Variants in UBE3A observed in about 807,000 individuals in gnomAD.
UBE3A encodes ubiquitin protein ligase E3A.
UBE3A carries 6 observed loss-of-function variants against 83.4 expected under a neutral mutation model. The observed-to-expected ratio is 0.07, with a 90% CI of 0.04 to 0.14. UBE3A has a LOEUF of 0.14. Ranked by LOEUF, UBE3A falls within the 10% of genes least tolerant of loss-of-function variation. The pLI, the probability that UBE3A is intolerant of heterozygous loss-of-function variation, is 1.00. For missense variants in UBE3A, 456 were observed against 1,036.1 expected (o/e 0.44, Z 7.69); for synonymous variants, 337 against 355.4 (o/e 0.95, Z 0.58).
At chr15:25,422,052 T>C (rs1017346348) in intron 1 of UBE3A, 19 of 152,172 alleles carry the variant, frequency 1.2e-4, no homozygotes, top group African/African-American at 4.6e-4. Context: ...ACAATTTAAA[T>C]GTTCACCAGA....
At chr15:25,344,007 G>C (rs1442422378) in intron 11 of UBE3A, among the ~76,000 whole-genome samples, 1 of 152,140 alleles carries the variant, frequency 6.6e-6, no homozygotes, top group Admixed American at 6.5e-5. Flanking sequence ...TAAACTGCTG[G>C]TGGGAATGCA....
intron 1 of UBE3A, among the ~76,000 whole-genome samples, chr15:25,413,238 T>C (rs991097379): frequency 6.6e-6 from 1 of 152,202 alleles, no homozygotes; most frequent in African/African-American, 2.4e-5. Context: ...AATAATCTTA[T>C]AAATAAGTAT....
chr15:25,435,015 CACACAA>C (rs1296801492), intron 1 of UBE3A, among the ~76,000 whole-genome samples: 2 of 100,594 alleles, frequency 2.0e-5, no homozygotes, highest in South Asian at 3.5e-4. Context: ...CACACACACA[CACACAA>C]ATACTAATAC....
At position 25,372,130 on chromosome 15, in the gene UBE3A, T is replaced by C. The variant is rs149325880; in HGVS notation, c.362-318A>G. Among the ~76,000 whole-genome samples the C allele has an allele frequency of 1.2e-4, 19 of 152,318 alleles. No homozygotes were observed. The East Asian group carries it at 2.7e-3, about 22-fold the overall frequency. ...ATCTATTAATGTATAGCTTTAATTA[T>C]AAATATGAACCAATATGTCATGTAC... On this transcript the variant is annotated intron_variant, in intron 5 of 12. Transcript: ENST00000648336.
At chr15:25,408,810 T>A in intron 3 of UBE3A, 1 of 867,722 alleles carries the variant, frequency 1.2e-6, no homozygotes, top group Non-Finnish European at 1.7e-6. Flanking sequence ...TAATGTTTTC[T>A]ATAATGTTTA....
intron 4 of UBE3A, among the ~76,000 whole-genome samples, chr15:25,382,107 A>G (rs988463968): frequency 6.6e-6 from 1 of 152,202 alleles, no homozygotes; most frequent in Admixed American, 6.5e-5. Context: ...TCATGAGGTC[A>G]GGAGATCGAG....
chr15:25,343,167 G>GA (rs2075137442), intron 11 of UBE3A, among the ~76,000 whole-genome samples: 2 of 151,978 alleles, frequency 1.3e-5, no homozygotes, highest in African/African-American at 2.4e-5. Flanking sequence ...AACAGGTCCA[G>GA]AAAAAAGTAA....
Position 25,338,973 on chromosome 15 carries a change from G to A in UBE3A, c.*164C>T. ...GCCCACATGTCCCCAATAAAGAAGG[G>A]AGGCACAGACATAGGTGACTACTGT... is the stretch of plus-strand genomic sequence containing the variant. On this transcript the variant is annotated 3_prime_UTR_variant, in exon 13 of 13. Coordinates refer to ENST00000648336, the MANE Select transcript of UBE3A (RefSeq NM_130839.5). 1.7e-6 allele frequency: 1 copy of A among 592,892 alleles called. No homozygotes were observed. The highest frequency in any genetic ancestry group is 2.6e-6 in the Non-Finnish European group (1 of 386,884). The allele number at this position is 592,892 out of a possible 1,614,324, so 36.7% of individuals were successfully genotyped here. A position where few individuals can be genotyped will look rare whatever the true frequency, so the allele number is the denominator to read the frequency against.
In UBE3A at chr15:25,406,712, ACACG is replaced by A. The variant is rs150750867; in HGVS notation, c.21-1214_21-1211del. 9.8e-3 allele frequency among the ~76,000 whole-genome samples: 1,259 copies of A among 127,830 alleles called. 21 individuals carry two copies. Among genetic ancestry groups the A allele is most frequent in the African/African-American group, 0.032 (1,169 of 36,758 alleles). The allele number at this position is 127,830 out of a possible 152,430, so 83.9% of individuals were successfully genotyped here. On this transcript the variant is annotated intron_variant, in intron 3 of 12. Transcript: ENST00000648336. ...GTCACACACACACACACACACACAC[ACACG>A]CACACACACAAACCTGTTTTCTAAA...
intron 1 of UBE3A, among the ~76,000 whole-genome samples, chr15:25,419,804 A>G (rs1888829992): frequency 6.6e-6 from 1 of 152,122 alleles, no homozygotes; most frequent in Non-Finnish European, 1.5e-5. Flanking sequence ...CTTACATTAT[A>G]CATTAAGAGG....
intron 4 of UBE3A, among the ~76,000 whole-genome samples, chr15:25,390,566 T>C (rs1350946388): frequency 1.3e-5 from 2 of 152,152 alleles, no homozygotes; most frequent in East Asian, 1.9e-4. Context: ...AAGTATATAA[T>C]ATGCTGGAAA....
At chr15:25,396,332 C>T (rs544200304) in intron 4 of UBE3A, among the ~76,000 whole-genome samples, 150 of 152,142 alleles carry the variant, frequency 9.9e-4, no homozygotes, top group Non-Finnish European at 2.0e-3. Flanking sequence ...TGGCCAGGCA[C>T]GGTGGCTCAC....
At position 25,370,871 on chromosome 15, in the gene UBE3A, C is replaced by A; in HGVS notation, c.1303G>T (p.Asp435Tyr). The A allele has an allele frequency of 6.2e-7, 1 of 1,614,056 alleles. No individual in the cohort carries two copies. Among genetic ancestry groups the A allele is most frequent in the South Asian group, 1.1e-5 (1 of 91,068 alleles). ...LETELGVKTL[D>Y]CRKPLIPFEE... ...AAAGGGATAAGTGGTTTTCGACAATCCAGGGTTTTAACACCAAGTTCAGTT... is the reference window on the plus strand; with the variant it reads ...AAAGGGATAAGTGGTTTTCGACAATACAGGGTTTTAACACCAAGTTCAGTT... The change falls in exon 6 of 13, where the codon GAT becomes TAT. Residue 435 changes from aspartate (D) to tyrosine (Y), a missense_variant. Transcript: ENST00000648336. The surrounding 1 kb of genome is among the most constrained non-coding windows in gnomAD (Gnocchi z 4.2).
At position 25,371,863 on chromosome 15, in the gene UBE3A, TTACTC is replaced by T. The variant is rs750103131; in HGVS notation, c.362-56_362-52del. ...ACATTTATTTTCATAATATGTATGTTTACTCTGTTGCAAAAAGTTCTAAAAGTAAA... is the reference window on the plus strand; with the variant it reads ...ACATTTATTTTCATAATATGTATGTTTGTTGCAAAAAGTTCTAAAAGTAAA... On this transcript the variant is annotated intron_variant, in intron 5 of 12. Transcript: ENST00000648336. The surrounding 1 kb of genome is among the most constrained non-coding windows in gnomAD (Gnocchi z 5.3). The T allele has an allele frequency of 3.0e-5, 47 of 1,553,342 alleles. No homozygotes were observed. In the African/African-American group the frequency reaches 5.8e-4, roughly 19 times the overall value.
intron 12 of UBE3A, 33 bp from the exon 13 acceptor site, chr15:25,339,290 A>G: frequency 1.9e-6 from 3 of 1,607,176 alleles, no homozygotes; most frequent in Non-Finnish European, 1.7e-6. Context: ...AAACAGGAAA[A>G]CTGTAAGTCA....
intron 11 of UBE3A, among the ~76,000 whole-genome samples, chr15:25,353,220 A>AT (rs2076761932): frequency 6.6e-6 from 1 of 152,218 alleles, no homozygotes; most frequent in East Asian, 1.9e-4. Flanking sequence ...GAGTAAATAC[A>AT]TTCACCACTG....
In UBE3A at chr15:25,375,238, C is replaced by G. The variant is rs76396390; in HGVS notation, c.361+227G>C. The G allele has an allele frequency of 3.2e-3, 1,709 of 539,310 alleles. 5 individuals are homozygous for G. Among genetic ancestry groups the G allele is most frequent in the Non-Finnish European group, 4.7e-3 (1,460 of 309,650 alleles). 33.4% of individuals were successfully genotyped at this position (539,310 alleles called of 1,614,324 possible). A position where few individuals can be genotyped will look rare whatever the true frequency, so the allele number is the denominator to read the frequency against. ...CCTAAGAATTTTAAAAAGTTCAAAT[C>G]AATCTATTAACAAATGAACTTTTGG... On this transcript the variant is annotated intron_variant, in intron 5 of 12. Coordinates refer to ENST00000648336, the MANE Select transcript of UBE3A (RefSeq NM_130839.5).
chr15:25,407,215 G>C, intron 3 of UBE3A: 2 of 1,275,748 alleles, frequency 1.6e-6, no homozygotes, highest in South Asian at 2.6e-5. Flanking sequence ...ATGTCATACT[G>C]TAAGGAGGCA....
chr15:25,376,398 T>C lies in UBE3A; in HGVS notation c.63-635A>G, dbSNP rs566209949. 3.3e-5 allele frequency among the ~76,000 whole-genome samples: 5 copies of C among 152,226 alleles called. No individual in the cohort carries two copies. In the South Asian group the frequency reaches 6.2e-4, roughly 19 times the overall value. On this transcript the variant is annotated intron_variant, in intron 4 of 12. Transcript: ENST00000648336. ...CAGATCATGACTGTAATCAATCCCATAACTGTGGGAGGCTGAGGCAGGCCG... is the reference window on the plus strand; with the variant it reads ...CAGATCATGACTGTAATCAATCCCACAACTGTGGGAGGCTGAGGCAGGCCG...
Sources: allele counts gnomAD v4.1 joint callset (sites outside exome capture counted in the v4.1 genomes callset), GRCh38; gene constraint gnomAD v4.1.1; non-coding constraint Gnocchi (gnomAD v3.1); transcripts MANE v1.5; gene names NCBI Gene and HGNC (gene_info 2026-07-23, HGNC 2026-07-21).